Variants in ABCA10 observed in about 807,000 individuals in gnomAD.
The protein encoded by ABCA10 is ATP-binding cassette sub-family A member 10.
Under a neutral mutation model 187.5 loss-of-function variants are expected in ABCA10, and 169 were observed. The ratio of observed to expected loss-of-function variants is 0.90; its 90% CI spans 0.80 to 1.02. The LOEUF is 1.02. Ranked by LOEUF, ABCA10 falls within the 50% of genes least tolerant of loss-of-function variation. The pLI, the probability that ABCA10 is intolerant of heterozygous loss-of-function variation, is 0.00. For missense variants in ABCA10, 1,727 were observed against 1,812.4 expected, an observed-to-expected ratio of 0.95 and a Z score of 0.86; for synonymous variants, 574 against 601.8, an observed-to-expected ratio of 0.95 and a Z score of 0.68.
At chr17:69,221,735 A>C in intron 5 of ABCA10, 57 bp downstream of exon 5, 1 of 1,452,488 alleles carries the variant, frequency 6.9e-7, no homozygotes, top group African/African-American at 1.4e-5. Flanking sequence ...TGAGGCAGAT[A>C]TTTAAAAAGA....
At chr17:69,241,944 C>T (rs528916931) in intron 1 of ABCA10, among the ~76,000 whole-genome samples, 51 of 152,248 alleles carry the variant, frequency 3.3e-4, no homozygotes, top group African/African-American at 7.7e-4. Flanking sequence ...CCATCATAGA[C>T]GGCTCTAAAA....
chr17:69,161,901 A>C (rs1364279784), intron 27 of ABCA10, among the ~76,000 whole-genome samples: 1 of 152,214 alleles, frequency 6.6e-6, no homozygotes, highest in Middle Eastern at 3.2e-3. Context: ...CAGATGGTTA[A>C]GTGGTTTTAA....
At chr17:69,176,443 AG>A (rs2074334540) in intron 22 of ABCA10, among the ~76,000 whole-genome samples, 1 of 152,144 alleles carries the variant, frequency 6.6e-6, no homozygotes, top group South Asian at 2.1e-4. Flanking sequence ...AGTGCAGAAA[AG>A]GTAAGTTTTT....
chr17:69,194,352 C>A (rs973588909), intron 12 of ABCA10, 33 bp downstream of exon 12: 6 of 1,564,180 alleles, frequency 3.8e-6, no homozygotes, highest in Middle Eastern at 3.3e-4. Flanking sequence ...CTTGCTTTTT[C>A]AGCCAACTTA....
Position 69,194,382 on chromosome 17 carries a change from C to T in ABCA10, c.1345+3G>A. The T allele has an allele frequency of 1.2e-6, 2 of 1,603,674 alleles. No individual in the cohort carries two copies. The highest frequency in any genetic ancestry group is 1.7e-6 in the Non-Finnish European group (2 of 1,173,554). The stretch of plus-strand genomic sequence containing the variant: ...AACTTACTTTATAAAACTGTTTTCT[C>T]ACCTTCTGTAGAAACAGACAATCCA... On this transcript the variant is annotated splice_donor_region_variant and intron_variant, in intron 12 of 38. Transcript: ENST00000690296.
In ABCA10 at chr17:69,148,134, G is replaced by T. The variant is rs2074102292; in HGVS notation, c.*693C>A. On this transcript the variant is annotated 3_prime_UTR_variant, in exon 39 of 39. Coordinates refer to ENST00000690296, the MANE Select transcript of ABCA10 (RefSeq NM_001377321.1). ...TTATATAACACAAAAGTGCTATAAT[G>T]ACATGGGAAATGTTCATGAACTGTG... The T allele has an allele frequency of 6.6e-6, 1 of 152,094 alleles. No individual in the cohort carries two copies. Among genetic ancestry groups the T allele is most frequent in the Non-Finnish European group, 1.5e-5 (1 of 68,026 alleles). 9.4% of individuals were successfully genotyped at this position (152,094 alleles called of 1,614,324 possible).
At chr17:69,191,065 A>C in intron 17 of ABCA10, 111 bp downstream of exon 17, 1 of 1,061,124 alleles carries the variant, frequency 9.4e-7, no homozygotes, top group Non-Finnish European at 1.2e-6. Context: ...CTTATGAATA[A>C]ATATTTTCAT....
chr17:69,214,032 C>CAA (rs1403298286), intron 9 of ABCA10, among the ~76,000 whole-genome samples: 1 of 152,070 alleles, frequency 6.6e-6, no homozygotes, highest in Non-Finnish European at 1.5e-5. Flanking sequence ...TAACAAGAAC[C>CAA]AATTAATGAA....
chr17:69,174,514 C>T (rs1285685559), intron 24 of ABCA10, 93 bp downstream of exon 24: 1 of 1,456,918 alleles, frequency 6.9e-7, no homozygotes, highest in African/African-American at 1.4e-5. Context: ...TTGCATATTA[C>T]ATGCCTTTTG....
At chr17:69,214,251 C>T (rs867817886) in intron 9 of ABCA10, among the ~76,000 whole-genome samples, 2 of 152,146 alleles carry the variant, frequency 1.3e-5, no homozygotes, top group African/African-American at 4.8e-5. Context: ...CGCGGTGGCT[C>T]ACGCCTGTAA....
At chr17:69,165,163 T>C (rs2074246561) in intron 25 of ABCA10, 80 bp from the exon 26 acceptor site, 1 of 1,194,538 alleles carries the variant, frequency 8.4e-7, no homozygotes, top group African/African-American at 1.5e-5. Context: ...TAACCTGTTT[T>C]CCTGGGAGAT....
intron 3 of ABCA10, 105 bp downstream of exon 3, chr17:69,225,220 G>C: frequency 7.6e-7 from 1 of 1,320,234 alleles, no homozygotes; most frequent in Non-Finnish European, 1.1e-6. Flanking sequence ...CTTTGCCTCA[G>C]TTGAGAATCA....
chr17:69,223,067 T>C (rs1261248189), intron 3 of ABCA10, among the ~76,000 whole-genome samples: 1 of 141,082 alleles, frequency 7.1e-6, no homozygotes, highest in Admixed American at 7.4e-5. Flanking sequence ...GGAGAGGGGG[T>C]AGGGGAGGAG....
At chr17:69,200,425 A>G (rs2074535125) in intron 10 of ABCA10, among the ~76,000 whole-genome samples, 1 of 152,186 alleles carries the variant, frequency 6.6e-6, no homozygotes, top group South Asian at 2.1e-4. Context: ...CTGAAAATAT[A>G]CTTTTAAAAA....
intron 20 of ABCA10, among the ~76,000 whole-genome samples, chr17:69,183,438 G>C (rs1042884346): frequency 2.0e-5 from 3 of 152,036 alleles, no homozygotes; most frequent in Non-Finnish European, 4.4e-5. Flanking sequence ...CCGCACCAAG[G>C]GAGCTCTGGA....
At chr17:69,244,736 A>G (rs1190856776) in exon 1 of ABCA10, 1 of 151,568 alleles carries the variant, frequency 6.6e-6, no homozygotes, top group African/African-American at 2.4e-5. Context: ...CTCAGGGCAC[A>G]ATTAGAATGA....
chr17:69,189,761 C>T (rs2074446668), intron 18 of ABCA10, among the ~76,000 whole-genome samples: 2 of 152,094 alleles, frequency 1.3e-5, no homozygotes, highest in African/African-American at 4.8e-5. Context: ...TATCCCAGCA[C>T]CATTTATTGA....
At chr17:69,149,952 A>C (rs1376481819) in intron 37 of ABCA10, 32 bp downstream of exon 37, 1 of 1,493,800 alleles carries the variant, frequency 6.7e-7, no homozygotes, top group African/African-American at 1.4e-5. Context: ...CAACCAATAC[A>C]TAAAGTCTTA....
chr17:69,207,156 T>A (rs775671116), intron 9 of ABCA10, among the ~76,000 whole-genome samples: 42 of 152,252 alleles, frequency 2.8e-4, no homozygotes, highest in Middle Eastern at 3.4e-3. Context: ...ACATCACTAA[T>A]CATCAGGGAA....
Sources: gnomAD v4.1 joint callset for allele counts (sites outside exome capture counted in the v4.1 genomes callset) on GRCh38, gnomAD v4.1.1 for gene constraint, MANE v1.5 for transcripts, NCBI Gene and HGNC (gene_info 2026-07-23, HGNC 2026-07-21) for gene names.